The following CCDC7 variants were observed in gnomAD, a reference collection of about 807,000 sequenced individuals.
CCDC7 encodes coiled-coil domain-containing protein 7.
CCDC7 carries 183 observed loss-of-function variants against 196.9 expected under a neutral mutation model. The ratio of observed to expected loss-of-function variants is 0.93; its 90% CI spans 0.82 to 1.05. The LOEUF (loss-of-function observed/expected upper bound fraction) is 1.05. Ranked by LOEUF, CCDC7 falls within the 50% of genes least tolerant of loss-of-function variation. The probability of loss-of-function intolerance (pLI) is 0.00; values close to 1 mark genes in which losing one functional copy is unlikely to be tolerated. For synonymous variants in CCDC7, 525 were observed against 484.6 expected, an observed-to-expected ratio of 1.08 and a Z score of -1.10; for missense variants, 1,540 against 1,482.2, an observed-to-expected ratio of 1.04 and a Z score of -0.64.
intron 8 of CCDC7, among the ~76,000 whole-genome samples, chr10:32,479,868 A>T (rs2039651324): frequency 6.7e-6 from 1 of 149,258 alleles, no homozygotes; most frequent in Admixed American, 6.7e-5. Context: ...GGATTTTATC[A>T]CTGAGTCAGT....
intron 21 of CCDC7, among the ~76,000 whole-genome samples, chr10:32,678,866 A>G (rs542591677): frequency 7.2e-4 from 109 of 152,190 alleles, no homozygotes; most frequent in African/African-American, 2.5e-3. Context: ...GTAGCCTCTC[A>G]TTTGAATTCC....
At chr10:32,445,498 T>A (rs2030734000), upstream of CCDC7, among the ~76,000 whole-genome samples, 1 of 152,226 alleles carries the variant, frequency 6.6e-6, no homozygotes, top group South Asian at 2.1e-4. Flanking sequence ...ACAGGCATTA[T>A]TAACAGTTAA....
At chr10:32,835,487 GAATAC>G (rs1017268465) in intron 33 of CCDC7, among the ~76,000 whole-genome samples, 1 of 152,078 alleles carries the variant, frequency 6.6e-6, no homozygotes, top group Non-Finnish European at 1.5e-5. Context: ...ATACACCATA[GAATAC>G]AATGCAGACA....
chr10:32,702,070 T>A (rs1327771732), intron 24 of CCDC7, among the ~76,000 whole-genome samples: 1 of 152,208 alleles, frequency 6.6e-6, no homozygotes, highest in Non-Finnish European at 1.5e-5. Flanking sequence ...AACTTTTGAA[T>A]GTGTTTGCTC....
At chr10:32,787,186 G>T in intron 29 of CCDC7, among the ~76,000 whole-genome samples, 1 of 151,576 alleles carries the variant, frequency 6.6e-6, no homozygotes, top group East Asian at 1.9e-4. Flanking sequence ...TGAAAGACAT[G>T]CATCTACACA....
intron 21 of CCDC7, among the ~76,000 whole-genome samples, chr10:32,666,024 C>T (rs1396329472): frequency 6.6e-6 from 1 of 151,292 alleles, no homozygotes; most frequent in South Asian, 2.1e-4. Context: ...AGGAACACTA[C>T]TAATGTTTGT....
chr10:32,836,415 T>C (rs761926532), intron 33 of CCDC7, among the ~76,000 whole-genome samples: 1 of 152,052 alleles, frequency 6.6e-6, no homozygotes, highest in Non-Finnish European at 1.5e-5. Context: ...ATATCCAGTT[T>C]TTATTCTAAA....
intron 21 of CCDC7, among the ~76,000 whole-genome samples, chr10:32,669,591 T>C (rs1338683414): frequency 6.6e-6 from 1 of 152,188 alleles, no homozygotes; most frequent in East Asian, 1.9e-4. Flanking sequence ...ATTTCTCTTC[T>C]TCATGATTTA....
At chr10:32,755,558 C>G (rs557860844) in intron 28 of CCDC7, among the ~76,000 whole-genome samples, 1 of 152,186 alleles carries the variant, frequency 6.6e-6, no homozygotes, top group South Asian at 2.1e-4. Flanking sequence ...AGAAGGAAAA[C>G]TAACAAACAG....
At chr10:32,607,799 A>G (rs1405650956) in intron 18 of CCDC7, among the ~76,000 whole-genome samples, 1 of 151,882 alleles carries the variant, frequency 6.6e-6, no homozygotes, top group Non-Finnish European at 1.5e-5. Flanking sequence ...TTTTTGTTGT[A>G]TCTTTGGATT....
intron 16 of CCDC7, among the ~76,000 whole-genome samples, chr10:32,576,182 C>A (rs968525914): frequency 1.3e-5 from 2 of 151,940 alleles, no homozygotes; most frequent in African/African-American, 4.8e-5. Flanking sequence ...CCCAAAGTTA[C>A]CATTTTGCCA....
chr10:32,577,708 G>A (rs2058354766), intron 16 of CCDC7, among the ~76,000 whole-genome samples: 1 of 152,192 alleles, frequency 6.6e-6, no homozygotes, highest in Non-Finnish European at 1.5e-5. Flanking sequence ...ACAGCAGAGG[G>A]ATCTCTGTGC....
chr10:32,674,032 A>G (rs911148028), intron 21 of CCDC7, among the ~76,000 whole-genome samples: 3 of 151,006 alleles, frequency 2.0e-5, no homozygotes, highest in Admixed American at 6.6e-5. Context: ...TAGTGTGTCA[A>G]TTTTCTTTAT....
At chr10:32,846,540 C>A in intron 37 of CCDC7, 81 bp downstream of exon 38, 1 of 807,266 alleles carries the variant, frequency 1.2e-6, no homozygotes, top group South Asian at 1.8e-5. Flanking sequence ...CATTTAATGA[C>A]AATAGTGCCT....
chr10:32,644,101 G>C (rs989800104), intron 20 of CCDC7, among the ~76,000 whole-genome samples: 1 of 151,798 alleles, frequency 6.6e-6, no homozygotes, highest in Admixed American at 6.6e-5. Flanking sequence ...ACATTCATGG[G>C]GTACAATATG....
At chr10:32,771,140 T>A (rs911801129) in intron 28 of CCDC7, among the ~76,000 whole-genome samples, 2 of 152,220 alleles carry the variant, frequency 1.3e-5, no homozygotes, top group African/African-American at 2.4e-5. Flanking sequence ...CCTGATTTTT[T>A]AAATTGTGTT....
intron 28 of CCDC7, among the ~76,000 whole-genome samples, chr10:32,748,919 T>C (rs969913378): frequency 6.6e-6 from 1 of 152,138 alleles, no homozygotes; most frequent in African/African-American, 2.4e-5. Context: ...GGGATTTTTT[T>C]CTCCACTATT....
chr10:32,570,713 C>G (rs1728609221), intron 15 of CCDC7, among the ~76,000 whole-genome samples: 1 of 152,168 alleles, frequency 6.6e-6, no homozygotes. Flanking sequence ...GGAGGAGATG[C>G]ACATTCTTTT....
rs117117259 is a variant in CCDC7 at position 32,522,931 on chromosome 10, G to A, written c.993+4426G>A. 7.9e-3 allele frequency among the ~76,000 whole-genome samples: 1,203 copies of A among 152,110 alleles called. 7 individuals carry two copies. The highest frequency in any genetic ancestry group is 0.02 in the Middle Eastern group (6 of 294). ...TCTTCATTGACTGATTGGTCATTCA[G>A]GAGCATATTTTTTAATTTCCATGTG... On this transcript the variant is annotated intron_variant, in intron 11 of 41. Coordinates refer to ENST00000639629, the Ensembl canonical transcript of CCDC7.
Sources: gnomAD v4.1 joint callset for allele counts (sites outside exome capture counted in the v4.1 genomes callset) on GRCh38, gnomAD v4.1.1 for gene constraint, MANE v1.5 for transcripts, NCBI Gene and HGNC (gene_info 2026-07-23, HGNC 2026-07-21) for gene names.